The following GLYR1 variants were observed in gnomAD, a reference collection of about 807,000 sequenced individuals.
GLYR1 encodes the protein glyoxylate reductase 1 homolog, also known as cytokine-like nuclear factor N-PAC.
A neutral mutation model predicts 72.7 loss-of-function variants in GLYR1; 21 were observed. The ratio of observed to expected loss-of-function variants is 0.29; its 90% confidence interval spans 0.20 to 0.42. The LOEUF (loss-of-function observed/expected upper bound fraction) is 0.42, where lower values mean the gene tolerates loss of function less well. GLYR1 is among the 10% of genes least tolerant of loss of function. The pLI, the probability that GLYR1 is intolerant of heterozygous loss-of-function variation, is 1.00. For missense variants in GLYR1, 594 were observed against 712.1 expected, an observed-to-expected ratio of 0.83 and a Z score of 1.89; for synonymous variants, 392 against 270.2, an observed-to-expected ratio of 1.45 and a Z score of -4.42.
intron 10 of GLYR1, among the ~76,000 whole-genome samples, chr16:4,816,860 G>A (rs560577934): frequency 4.6e-5 from 7 of 151,656 alleles, no homozygotes; most frequent in South Asian, 4.2e-4. Context: ...GGTGGCGCGC[G>A]CCTGTAATCC....
chr16:4,828,775 G>T (rs189737932), intron 5 of GLYR1, among the ~76,000 whole-genome samples: 2 of 152,068 alleles, frequency 1.3e-5, no homozygotes, highest in Non-Finnish European at 2.9e-5. Context: ...TCCTAACGAT[G>T]AGACAAGGAA....
chr16:4,812,561 C>T (rs1433784087), intron 12 of GLYR1, among the ~76,000 whole-genome samples: 9 of 151,538 alleles, frequency 5.9e-5, no homozygotes, highest in African/African-American at 1.9e-4. Context: ...GGAGCGATCT[C>T]GGATCACTGC....
chr16:4,826,705 T>C (rs1339589035), intron 5 of GLYR1, among the ~76,000 whole-genome samples: 1 of 152,216 alleles, frequency 6.6e-6, no homozygotes, highest in African/African-American at 2.4e-5. Context: ...CTGCACTGTG[T>C]GATAGAGCAG....
chr16:4,827,617 C>A (rs114235228), intron 5 of GLYR1, among the ~76,000 whole-genome samples: 6,577 of 151,840 alleles, frequency 0.043, 483 homozygotes, highest in African/African-American at 0.15. Context: ...ACAAAAAAAA[C>A]GGGCCAGGCA....
At chr16:4,831,816 G>A (rs1295193062) in intron 5 of GLYR1, among the ~76,000 whole-genome samples, 163 bp downstream of exon 5, 2 of 152,176 alleles carry the variant, frequency 1.3e-5, no homozygotes, top group Non-Finnish European at 2.9e-5. Flanking sequence ...GATAAAGCAT[G>A]AGCCACCGCA....
chr16:4,818,488 A>T (rs1405303018), intron 9 of GLYR1, among the ~76,000 whole-genome samples: 1 of 150,952 alleles, frequency 6.6e-6, no homozygotes. Flanking sequence ...TTGCCATGTT[A>T]CCCAGGCTGG....
At position 4,832,038 on chromosome 16, in the gene GLYR1, G is replaced by A. The variant is rs201005728; in HGVS notation, c.478C>T (p.Leu160=). 6.2e-7 allele frequency: 1 copy of A among 1,614,216 alleles called. No individual in the cohort carries two copies. The highest frequency in any genetic ancestry group is 8.5e-7 in the Non-Finnish European group (1 of 1,180,038). ...GSSERGSKSP[L]KRAQEQSPRK... ...GGACTTTGCTCTTGGGCTCTTTTCA[G>A]AGGGGATTTGGAGCCTCTCTCTGAA... The change falls in exon 5 of 16, where the codon CTG becomes TTG. Residue 160 remains leucine, a synonymous_variant. Coordinates refer to ENST00000321919, the MANE Select transcript of GLYR1 (RefSeq NM_032569.4).
In GLYR1 at chr16:4,813,959, A is replaced by G. The variant is rs536874412; in HGVS notation, c.1018-121T>C. 6.8e-5 allele frequency: 46 copies of G among 673,116 alleles called. No individual in the cohort carries two copies. In the African/African-American group the frequency reaches 8.2e-4, roughly 12 times the overall value. The allele number at this position is 673,116 out of a possible 1,614,324, so 41.7% of individuals were successfully genotyped here. On this transcript the variant is annotated intron_variant, in intron 11 of 15. Coordinates refer to ENST00000321919, the MANE Select transcript of GLYR1 (RefSeq NM_032569.4). ...CTCATTTCCTGATTTCTATCAGCTGAAAAGGGAAGAACAATGAAATAAGCA... is the reference window on the plus strand; with the variant it reads ...CTCATTTCCTGATTTCTATCAGCTGGAAAGGGAAGAACAATGAAATAAGCA...
At chr16:4,821,750 C>G in intron 7 of GLYR1, 153 bp from the exon 8 acceptor site, 1 of 688,254 alleles carries the variant, frequency 1.5e-6, no homozygotes, top group Non-Finnish European at 2.6e-6. Flanking sequence ...CTAGAAAGTT[C>G]ATACACATTA....
chr16:4,821,212 G>C, intron 9 of GLYR1, 168 bp downstream of exon 9: 1 of 695,364 alleles, frequency 1.4e-6, no homozygotes, highest in South Asian at 1.8e-5. Context: ...GATTTACACA[G>C]CTTTTGACTC....
intron 9 of GLYR1, 183 bp from the exon 10 acceptor site, chr16:4,817,880 T>G: frequency 1.7e-6 from 1 of 588,616 alleles, no homozygotes; most frequent in Non-Finnish European, 3.0e-6. Context: ...TCTTCTCTTA[T>G]GCCATGGTCT....
At chr16:4,832,358 G>A in intron 4 of GLYR1, 137 bp from the exon 5 acceptor site, 1 of 1,067,112 alleles carries the variant, frequency 9.4e-7, no homozygotes, top group Non-Finnish European at 1.3e-6. Flanking sequence ...AGATTCTGCT[G>A]TCGTCCCAGA....
At chr16:4,811,092 G>C (rs1369554942) in intron 15 of GLYR1, 78 bp downstream of exon 15, 1 of 1,523,220 alleles carries the variant, frequency 6.6e-7, no homozygotes. Context: ...GTGACAGAGT[G>C]AGACTCCGTT....
intron 10 of GLYR1, 122 bp from the exon 11 acceptor site, chr16:4,814,769 A>G: frequency 2.7e-6 from 2 of 754,522 alleles, no homozygotes; most frequent in Non-Finnish European, 4.5e-6. Context: ...TGAGGCCGGG[A>G]GCCTGGGTCA....
chr16:4,816,742 T>C (rs894966923), intron 10 of GLYR1, among the ~76,000 whole-genome samples: 7 of 152,084 alleles, frequency 4.6e-5, no homozygotes, highest in Non-Finnish European at 5.9e-5. Context: ...TCCCAGTATT[T>C]TGGGAGGCCA....
intron 3 of GLYR1, among the ~76,000 whole-genome samples, chr16:4,840,547 A>ACT (rs201710334): frequency 2.0e-5 from 3 of 149,456 alleles, no homozygotes; most frequent in South Asian, 2.1e-4. Context: ...ACACACACAC[A>ACT]CTCTCTCTCT....
rs777284077 is a variant in GLYR1, at chr16:4,832,011, G to A, written c.505C>T (p.Arg169Trp). Residue 169 changes from arginine to tryptophan, a missense_variant, in exon 5 of 16, where the codon CGG becomes TGG. Coordinates refer to ENST00000321919, the MANE Select transcript of GLYR1 (RefSeq NM_032569.4). ...PLKRAQEQSPRKRGRPPKDEK... is the reference protein window; with the variant it reads ...PLKRAQEQSPWKRGRPPKDEK... Reference sequence around the variant, plus strand: ...TCCTTTGGGGGCCGACCCCGCTTCCGGGGACTTTGCTCTTGGGCTCTTTTC... The same window carrying A: ...TCCTTTGGGGGCCGACCCCGCTTCCAGGGACTTTGCTCTTGGGCTCTTTTC... 6.8e-6 allele frequency: 11 copies of A among 1,614,044 alleles called. No individual in the cohort carries two copies. Among genetic ancestry groups the A allele is most frequent in the African/African-American group, 1.3e-5 (1 of 75,010 alleles).
intron 5 of GLYR1, 148 bp downstream of exon 5, chr16:4,831,831 C>T: frequency 8.5e-7 from 1 of 1,176,328 alleles, no homozygotes; most frequent in African/African-American, 1.5e-5. Flanking sequence ...ACCGCACCTG[C>T]CCTGCAGGAT....
At chr16:4,833,806 A>C (rs955275025) in intron 3 of GLYR1, among the ~76,000 whole-genome samples, 1 of 152,240 alleles carries the variant, frequency 6.6e-6, no homozygotes. Context: ...TAACCTGAAC[A>C]AATCTGCTGC....
Sources: gnomAD v4.1 joint callset for allele counts (sites outside exome capture counted in the v4.1 genomes callset) on GRCh38, gnomAD v4.1.1 for gene constraint, MANE v1.5 for transcripts, NCBI Gene and HGNC (gene_info 2026-07-23, HGNC 2026-07-21) for gene names.